Variants in HPSE2 observed in about 807,000 individuals in gnomAD.
The protein encoded by HPSE2 is heparanase 2 (inactive).
A neutral mutation model predicts 60.5 loss-of-function variants in HPSE2; 38 were observed. That is an observed-to-expected ratio of 0.63 (90% confidence interval 0.48 to 0.82). HPSE2 has a LOEUF of 0.82. Ranked by LOEUF, HPSE2 falls within the 40% of genes least tolerant of loss-of-function variation. The probability of loss-of-function intolerance (pLI) is 0.00; values close to 1 mark genes in which losing one functional copy is unlikely to be tolerated. For synonymous variants in HPSE2, 295 were observed against 293.2 expected, an observed-to-expected ratio of 1.01 and a Z score of -0.06; for missense variants, 713 against 740.4, an observed-to-expected ratio of 0.96 and a Z score of 0.43.
chr10:98,545,867 C>G (rs1943654984), intron 9 of HPSE2, among the ~76,000 whole-genome samples: 1 of 150,812 alleles, frequency 6.6e-6, no homozygotes, highest in Non-Finnish European at 1.5e-5. Flanking sequence ...CAAACTGTCC[C>G]TGTTTACAGA....
intron 3 of HPSE2, among the ~76,000 whole-genome samples, chr10:99,115,130 T>A (rs564462367): frequency 9.4e-5 from 14 of 149,086 alleles, no homozygotes; most frequent in African/African-American, 3.4e-4. Context: ...ACTATACACA[T>A]GCACCACCTC....
intron 9 of HPSE2, among the ~76,000 whole-genome samples, chr10:98,504,843 G>GT (rs752052445): frequency 6.0e-5 from 9 of 150,242 alleles, no homozygotes; most frequent in African/African-American, 2.2e-4. Flanking sequence ...ATTGAGTTAT[G>GT]TGATTCTTTT....
intron 3 of HPSE2, among the ~76,000 whole-genome samples, chr10:98,860,343 T>A (rs2134774870): frequency 6.6e-6 from 1 of 152,328 alleles, no homozygotes; most frequent in South Asian, 2.1e-4. Flanking sequence ...CATTTCCAGC[T>A]GTGGAAGCTT....
intron 6 of HPSE2, among the ~76,000 whole-genome samples, chr10:98,676,404 A>G (rs1161574114): frequency 1.3e-5 from 2 of 152,200 alleles, no homozygotes; most frequent in African/African-American, 2.4e-5. Context: ...TGCTGGACCT[A>G]CATCTAGGTC....
intron 9 of HPSE2, among the ~76,000 whole-genome samples, chr10:98,500,438 C>T (rs372157270): frequency 2.6e-5 from 4 of 152,106 alleles, no homozygotes; most frequent in East Asian, 3.9e-4. Context: ...GGGTCAAAAA[C>T]GAAATCAAGA....
Position 98,482,782 on chromosome 10 carries a change from G to A in HPSE2, c.1467C>T (p.Asn489=), listed in dbSNP as rs754024746. 6.2e-7 allele frequency: 1 copy of A among 1,614,096 alleles called. No homozygotes were observed. Among genetic ancestry groups the A allele is most frequent in the South Asian group, 1.1e-5 (1 of 91,074 alleles). The change falls in exon 11 of 12, where the codon AAC becomes AAT. Residue 489 remains asparagine (N), a splice_region_variant and synonymous_variant. Transcript: ENST00000370552. ...TAATGGACCCACGAACGTAGTTGTGGCTGAGATCCAGAGAAAGAGAGAAGT... is the reference window on the plus strand; with the variant it reads ...TAATGGACCCACGAACGTAGTTGTGACTGAGATCCAGAGAAAGAGAGAAGT... ...RIYAHCTNHH[N]HNYVRGSITL... is the part of the protein sequence containing the mutation.
intron 3 of HPSE2, among the ~76,000 whole-genome samples, chr10:98,963,228 C>T (rs1049887369): frequency 2.0e-5 from 3 of 152,126 alleles, no homozygotes; most frequent in African/African-American, 7.2e-5. Flanking sequence ...CATATTATAA[C>T]TCTTTGTTTT....
chr10:98,567,669 G>A (rs1015602881), intron 9 of HPSE2, among the ~76,000 whole-genome samples: 7 of 152,140 alleles, frequency 4.6e-5, no homozygotes, highest in African/African-American at 9.7e-5. Flanking sequence ...GGAAAAGTCA[G>A]ACCAGCTGAT....
At chr10:98,889,161 T>C (rs938169013) in intron 3 of HPSE2, among the ~76,000 whole-genome samples, 1 of 151,976 alleles carries the variant, frequency 6.6e-6, no homozygotes, top group Admixed American at 6.6e-5. Flanking sequence ...GTGAAGTTGA[T>C]TGAATCTTAT....
At chr10:99,147,799 A>G (rs1175874458) in intron 2 of HPSE2, among the ~76,000 whole-genome samples, 1 of 152,206 alleles carries the variant, frequency 6.6e-6, no homozygotes, top group Non-Finnish European at 1.5e-5. Context: ...CTTATCAAAG[A>G]AGCACATGGT....
intron 3 of HPSE2, among the ~76,000 whole-genome samples, chr10:99,100,796 G>A (rs1031984032): frequency 5.3e-5 from 8 of 152,140 alleles, no homozygotes; most frequent in South Asian, 2.1e-4. Flanking sequence ...CAGATCTCTC[G>A]TCAGAAACTC....
In HPSE2 at chr10:98,986,662, T is replaced by C. The variant is rs1370549267; in HGVS notation, c.610+157576A>G. Among the ~76,000 whole-genome samples the C allele has an allele frequency of 8.2e-5, 10 of 122,414 alleles. No homozygotes were observed. The South Asian group carries it at 2.6e-3, about 32-fold the overall frequency. The allele number at this position is 122,414 out of a possible 152,430, so 80.3% of individuals were successfully genotyped here. ...AAGATCAGAGCAGAACTGAAGGAAA[T>C]AGAGACACAAAAAACCCTTCAAAAA... On this transcript the variant is annotated intron_variant, in intron 3 of 11. Transcript: ENST00000370552.
At chr10:99,208,134 A>G (rs1461499129) in intron 2 of HPSE2, among the ~76,000 whole-genome samples, 1 of 151,754 alleles carries the variant, frequency 6.6e-6, no homozygotes, top group African/African-American at 2.4e-5. Context: ...CTCTCTCAAA[A>G]TATCTTATTG....
intron 7 of HPSE2, among the ~76,000 whole-genome samples, chr10:98,626,117 A>G (rs7914057): frequency 6.9e-6 from 1 of 145,730 alleles, no homozygotes; most frequent in African/African-American, 2.6e-5. Context: ...AAAAAAAAAA[A>G]GAAAAAGAAA....
chr10:99,173,471 T>C (rs1479036363), intron 2 of HPSE2, among the ~76,000 whole-genome samples: 1 of 152,050 alleles, frequency 6.6e-6, no homozygotes, highest in Non-Finnish European at 1.5e-5. Context: ...TTATCCAAAG[T>C]AGGGAACACA....
the HPSE2 span, among the ~76,000 whole-genome samples, chr10:99,286,979 AC>A: frequency 6.6e-6 from 1 of 152,158 alleles, no homozygotes; most frequent in Non-Finnish European, 1.5e-5. Flanking sequence ...CTTGAAATTC[AC>A]CCTCTTAATC....
Position 98,591,380 on chromosome 10 carries a change from T to C in HPSE2, c.1320+23524A>G, listed in dbSNP as rs111338212. Among the ~76,000 whole-genome samples, 653 of 152,246 alleles carry C rather than the reference T, an allele frequency of 4.3e-3. 3 individuals carry two copies. Among genetic ancestry groups the C allele is most frequent in the African/African-American group, 0.015 (628 of 41,538 alleles). On this transcript the variant is annotated intron_variant, in intron 9 of 11. Coordinates refer to ENST00000370552, the MANE Select transcript of HPSE2 (RefSeq NM_021828.5). ...AGAGACATGTATAAGATCAGGATAT[T>C]GGCCAGGCATGGTGGCTCATGTCTG...
At chr10:98,718,529 G>T (rs1055676932) in intron 5 of HPSE2, among the ~76,000 whole-genome samples, 3 of 152,062 alleles carry the variant, frequency 2.0e-5, no homozygotes, top group Non-Finnish European at 4.4e-5. Context: ...GTCAAGATAT[G>T]GAATCAACCT....
chr10:98,527,847 C>T lies in HPSE2; in HGVS notation c.1321-37651G>A, dbSNP rs547090668. ...CATCATGGGCCACTGCTGTGCCCAG[C>T]ATGTTTAAAAACTGGACCTCTGAAT... On this transcript the variant is annotated intron_variant, in intron 9 of 11. Transcript: ENST00000370552. 2.6e-5 allele frequency among the ~76,000 whole-genome samples: 4 copies of T among 152,210 alleles called. No homozygotes were observed. The East Asian group carries it at 7.7e-4, about 29-fold the overall frequency.
Sources: allele counts gnomAD v4.1 joint callset (sites outside exome capture counted in the v4.1 genomes callset), GRCh38; gene constraint gnomAD v4.1.1; transcripts MANE v1.5; gene names NCBI Gene and HGNC (gene_info 2026-07-23, HGNC 2026-07-21).